Variants in TASP1 observed in about 807,000 individuals in gnomAD.
TASP1 encodes the protein threonine aspartase 1.
TASP1 carries 16 observed loss-of-function variants against 56.6 expected under a neutral mutation model. The ratio of observed to expected loss-of-function variants is 0.28; its 90% confidence interval spans 0.19 to 0.43. The LOEUF (loss-of-function observed/expected upper bound fraction) is 0.43, where lower values mean the gene tolerates loss of function less well. Ranked by LOEUF, TASP1 falls within the 20% of genes least tolerant of loss-of-function variation. The probability of loss-of-function intolerance (pLI) is 1.00; values close to 1 mark genes in which losing one functional copy is unlikely to be tolerated. For synonymous variants in TASP1, 179 were observed against 184.2 expected (o/e 0.97, Z 0.23); for missense variants, 393 against 511.6 (o/e 0.77, Z 2.24).
chr20:13,541,592 T>C (rs1379283696), intron 8 of TASP1, among the ~76,000 whole-genome samples: 1 of 152,134 alleles, frequency 6.6e-6, no homozygotes, highest in African/African-American at 2.4e-5. Context: ...AGAATGCTCA[T>C]ATCATTTACA....
chr20:13,331,081 G>A, the TASP1 span, among the ~76,000 whole-genome samples: 33 of 151,898 alleles, frequency 2.2e-4, no homozygotes, highest in Non-Finnish European at 1.8e-4. Flanking sequence ...CTTGTTTTAA[G>A]GTTGGAGCTT....
At chr20:13,543,983 C>T (rs1233059015) in intron 8 of TASP1, among the ~76,000 whole-genome samples, 1 of 152,162 alleles carries the variant, frequency 6.6e-6, no homozygotes, top group Non-Finnish European at 1.5e-5. Context: ...AAAGCACATC[C>T]TTTAACAACT....
chr20:13,194,647 T>G, the TASP1 span, among the ~76,000 whole-genome samples: 50 of 151,704 alleles, frequency 3.3e-4, no homozygotes, highest in African/African-American at 1.2e-3. Flanking sequence ...GGTTGGAGAG[T>G]GACTCATGCT....
chr20:13,628,727 C>A (rs2048984054), intron 2 of TASP1, among the ~76,000 whole-genome samples: 1 of 152,160 alleles, frequency 6.6e-6, no homozygotes, highest in Non-Finnish European at 1.5e-5. Context: ...GAAACCCAGA[C>A]ATTCTTTCTC....
chr20:13,406,956 G>A (rs1359386325), intron 13 of TASP1, among the ~76,000 whole-genome samples: 1 of 152,130 alleles, frequency 6.6e-6, no homozygotes, highest in South Asian at 2.1e-4. Context: ...ATTAGCCACC[G>A]TGCCCGGCTA....
the TASP1 span, among the ~76,000 whole-genome samples, chr20:13,153,799 C>A: frequency 6.6e-6 from 1 of 152,160 alleles, no homozygotes; most frequent in East Asian, 1.9e-4. Context: ...CCTCCACCTC[C>A]CTTCCTGCCT....
At chr20:13,238,073 T>A in the TASP1 span, 5 of 152,142 alleles carry the variant, frequency 3.3e-5, no homozygotes, top group Non-Finnish European at 5.9e-5. Context: ...ATATATCTTC[T>A]TTATAGGACA....
At chr20:13,221,999 A>T in the TASP1 span, 1 of 1,194,112 alleles carries the variant, frequency 8.4e-7, no homozygotes, top group East Asian at 3.3e-5. Context: ...GGGTGGATGC[A>T]GGGAGGCAGG....
At chr20:13,625,291 T>C (rs749237528) in intron 2 of TASP1, 39 bp from the exon 3 acceptor site, 32 of 1,525,182 alleles carry the variant, frequency 2.1e-5, no homozygotes, top group South Asian at 5.8e-5. Context: ...TATTAAAATA[T>C]CAAGAGACCT....
At chr20:13,197,824 G>A in the TASP1 span, among the ~76,000 whole-genome samples, 1 of 152,118 alleles carries the variant, frequency 6.6e-6, no homozygotes, top group African/African-American at 2.4e-5. Context: ...TTCTACCCTG[G>A]CTAGCGATTT....
the TASP1 span, among the ~76,000 whole-genome samples, chr20:13,162,944 C>T: frequency 3.3e-5 from 5 of 152,188 alleles, no homozygotes; most frequent in East Asian, 3.9e-4. Flanking sequence ...ACTCTGAGCA[C>T]GAGTGTGTTC....
the TASP1 span, among the ~76,000 whole-genome samples, chr20:13,251,051 A>G: frequency 1.3e-5 from 2 of 152,230 alleles, no homozygotes; most frequent in African/African-American, 4.8e-5. Context: ...TCCATAAGTC[A>G]GGAATTTATA....
the TASP1 span, among the ~76,000 whole-genome samples, chr20:13,212,940 G>A: frequency 0.027 from 4,099 of 152,138 alleles, 173 homozygotes; most frequent in African/African-American, 0.092. Context: ...TGAAATCCTC[G>A]CCACAAGCAT....
chr20:13,197,437 T>C, the TASP1 span, among the ~76,000 whole-genome samples: 1 of 152,206 alleles, frequency 6.6e-6, no homozygotes, highest in Non-Finnish European at 1.5e-5. Context: ...TCACCTCTAA[T>C]TGCTGGCCTC....
the TASP1 span, among the ~76,000 whole-genome samples, chr20:13,338,147 T>C: frequency 0.011 from 1,636 of 152,270 alleles, 21 homozygotes; most frequent in African/African-American, 0.037. Context: ...TTCTTGATTA[T>C]ACATGAAACA....
the TASP1 span, among the ~76,000 whole-genome samples, chr20:13,178,955 A>G: frequency 6.6e-6 from 1 of 152,192 alleles, no homozygotes; most frequent in Admixed American, 6.5e-5. Context: ...AATGATATGT[A>G]TTTAAGATGA....
chr20:13,522,600 G>C (rs913645891), intron 10 of TASP1, among the ~76,000 whole-genome samples: 1 of 152,058 alleles, frequency 6.6e-6, no homozygotes, highest in Non-Finnish European at 1.5e-5. Flanking sequence ...GCTCATATTC[G>C]GACATGCTAA....
the TASP1 span, chr20:13,237,813 T>C: frequency 1.1e-4 from 16 of 152,220 alleles, no homozygotes; most frequent in African/African-American, 3.9e-4. Context: ...TGGAGTTCAC[T>C]CTCTGGGCTC....
the TASP1 span, among the ~76,000 whole-genome samples, chr20:13,233,258 G>T: frequency 4.6e-5 from 7 of 152,076 alleles, no homozygotes; most frequent in African/African-American, 1.7e-4. Flanking sequence ...CAAGTTTATT[G>T]CTGGGAATCT....
Sources: gnomAD v4.1 joint callset for allele counts (sites outside exome capture counted in the v4.1 genomes callset) on GRCh38, gnomAD v4.1.1 for gene constraint, MANE v1.5 for transcripts, NCBI Gene and HGNC (gene_info 2026-07-23, HGNC 2026-07-21) for gene names.